The following DLGAP1 variants were observed in gnomAD, a reference collection of about 807,000 sequenced individuals.
DLGAP1 encodes disks large-associated protein 1.
In DLGAP1, 11 loss-of-function variants were observed where a neutral mutation model predicts 90.8. The observed-to-expected ratio is 0.12, with a 90% CI of 0.08 to 0.20. The LOEUF (loss-of-function observed/expected upper bound fraction) is 0.20, where lower values mean the gene tolerates loss of function less well. Ranked by LOEUF, DLGAP1 falls within the 10% of genes least tolerant of loss-of-function variation. The pLI, the probability that DLGAP1 is intolerant of heterozygous loss-of-function variation, is 1.00. For synonymous variants in DLGAP1, 558 were observed against 540.7 expected (o/e 1.03, Z -0.44); for missense variants, 1,050 against 1,333.8 (o/e 0.79, Z 3.31).
At chr18:3,982,800 ATTAC>A (rs1401583560) in intron 3 of DLGAP1, among the ~76,000 whole-genome samples, 2 of 152,220 alleles carry the variant, frequency 1.3e-5, no homozygotes, top group Non-Finnish European at 2.9e-5. Context: ...GTAATTAATA[ATTAC>A]TTACAAATTT....
At chr18:3,674,296 A>AAAAAAAAATATATATATATATATATAT (rs755076240) in intron 7 of DLGAP1, among the ~76,000 whole-genome samples, 4 of 128,992 alleles carry the variant, frequency 3.1e-5, no homozygotes, top group African/African-American at 1.3e-4. Context: ...ATAATATTAA[A>AAAAAAAAATATATATATATATATATAT]ATATATATAT....
intron 2 of DLGAP1, among the ~76,000 whole-genome samples, chr18:4,009,731 G>A (rs2074379954): frequency 6.6e-6 from 1 of 152,288 alleles, no homozygotes; most frequent in South Asian, 2.1e-4. Flanking sequence ...TGTTCCCATG[G>A]TAGGGATGGG....
chr18:4,128,694 A>G (rs1448404200), intron 2 of DLGAP1, among the ~76,000 whole-genome samples: 2 of 152,184 alleles, frequency 1.3e-5, no homozygotes, highest in Admixed American at 1.3e-4. Context: ...GGAGCATGCT[A>G]TCAGCGAGGA....
chr18:4,377,051 A>C (rs2082028631), intron 1 of DLGAP1, among the ~76,000 whole-genome samples: 1 of 152,134 alleles, frequency 6.6e-6, no homozygotes, highest in South Asian at 2.1e-4. Flanking sequence ...CAACATATTA[A>C]ACTTTCAAAG....
intron 7 of DLGAP1, among the ~76,000 whole-genome samples, chr18:3,650,521 C>A (rs961797480): frequency 2.0e-5 from 3 of 152,178 alleles, no homozygotes; most frequent in Admixed American, 6.5e-5. Context: ...AAAGATACAT[C>A]TGAGAAGAGA....
intron 1 of DLGAP1, among the ~76,000 whole-genome samples, chr18:4,246,582 A>G (rs1367948552): frequency 2.0e-5 from 3 of 152,164 alleles, no homozygotes; most frequent in African/African-American, 4.8e-5. Context: ...CACAGTGTCA[A>G]ACCCCAGGGT....
intron 5 of DLGAP1, among the ~76,000 whole-genome samples, chr18:3,761,245 T>C (rs1598627726): frequency 6.6e-6 from 1 of 152,132 alleles, no homozygotes; most frequent in South Asian, 2.1e-4. Context: ...ACTCCCCGTT[T>C]CCCTCCCTCC....
chr18:3,938,577 A>G (rs1179628418), intron 3 of DLGAP1, among the ~76,000 whole-genome samples: 1 of 152,180 alleles, frequency 6.6e-6, no homozygotes, highest in Non-Finnish European at 1.5e-5. Context: ...TTGTTTGTCT[A>G]TTTCATTCAC....
intron 8 of DLGAP1, among the ~76,000 whole-genome samples, chr18:3,574,090 A>T (rs1300977255): frequency 6.6e-6 from 1 of 152,244 alleles, no homozygotes; most frequent in East Asian, 1.9e-4. Context: ...ATTTGCCAAC[A>T]TTAAGCTGTC....
intron 2 of DLGAP1, among the ~76,000 whole-genome samples, chr18:4,024,069 G>GA (rs1414362695): frequency 1.3e-5 from 2 of 152,052 alleles, no homozygotes; most frequent in Non-Finnish European, 2.9e-5. Flanking sequence ...CAAAAGCTTT[G>GA]AAAAATTATT....
intron 3 of DLGAP1, among the ~76,000 whole-genome samples, chr18:4,004,694 T>A (rs2074264911): frequency 1.3e-5 from 2 of 152,108 alleles, no homozygotes; most frequent in South Asian, 4.1e-4. Flanking sequence ...TTCATCCAAA[T>A]AACGTATGTG....
At chr18:4,202,602 T>C (rs2077628862) in intron 1 of DLGAP1, among the ~76,000 whole-genome samples, 1 of 151,934 alleles carries the variant, frequency 6.6e-6, no homozygotes, top group Non-Finnish European at 1.5e-5. Context: ...TTTCTAAACA[T>C]TTAAAAGAAA....
chr18:3,551,172 TATATACACATACATATAA>T (rs1267701283), intron 9 of DLGAP1, among the ~76,000 whole-genome samples: 10 of 3,222 alleles, frequency 3.1e-3, no homozygotes, highest in African/African-American at 4.1e-3. Context: ...TATATATATA[TATATACACATACATATAA>T]ATGCTTTTTT....
chr18:3,574,281 T>C (rs2054978311), intron 8 of DLGAP1, among the ~76,000 whole-genome samples: 1 of 152,252 alleles, frequency 6.6e-6, no homozygotes, highest in African/African-American at 2.4e-5. Flanking sequence ...TTGTTCTTTT[T>C]CTAGCTTTGT....
At chr18:3,767,847 C>T (rs1244149560) in intron 5 of DLGAP1, among the ~76,000 whole-genome samples, 2 of 151,978 alleles carry the variant, frequency 1.3e-5, no homozygotes. Context: ...ATGTTTTCCC[C>T]CTAAGATCAT....
intron 2 of DLGAP1, among the ~76,000 whole-genome samples, chr18:4,145,381 A>G (rs1336618519): frequency 6.6e-6 from 1 of 152,224 alleles, no homozygotes; most frequent in African/African-American, 2.4e-5. Flanking sequence ...TTTATCTCAG[A>G]ACACATTAAC....
At chr18:3,882,484 A>G (rs2071200001) in intron 3 of DLGAP1, among the ~76,000 whole-genome samples, 1 of 149,934 alleles carries the variant, frequency 6.7e-6, no homozygotes, top group African/African-American at 2.5e-5. Flanking sequence ...TTGTGAATGC[A>G]CCGCTATACT....
chr18:3,840,929 G>C (rs2068680056), intron 4 of DLGAP1, among the ~76,000 whole-genome samples: 1 of 152,200 alleles, frequency 6.6e-6, no homozygotes, highest in South Asian at 2.1e-4. Context: ...GTGTGCGTCT[G>C]TGTTCTGGTT....
intron 8 of DLGAP1, among the ~76,000 whole-genome samples, chr18:3,577,145 G>A (rs1207218126): frequency 2.6e-5 from 4 of 152,124 alleles, no homozygotes; most frequent in South Asian, 2.1e-4. Context: ...ACAGGGGTGC[G>A]CCACCGTGCC....
Sources: allele counts gnomAD v4.1 joint callset (sites outside exome capture counted in the v4.1 genomes callset), GRCh38; gene constraint gnomAD v4.1.1; transcripts MANE v1.5; gene names NCBI Gene and HGNC (gene_info 2026-07-23, HGNC 2026-07-21).